The following PACRG variants were observed in gnomAD, a reference collection of about 807,000 sequenced individuals.
The protein encoded by PACRG is parkin coregulated, also known as parkin coregulated gene protein.
A neutral mutation model predicts 29.7 loss-of-function variants in PACRG; 29 were observed. That is an observed-to-expected ratio of 0.98 (90% CI 0.73 to 1.33). PACRG has a LOEUF of 1.33. Among genes scored for constraint, PACRG ranks in the 40% most tolerant of loss-of-function variants. The pLI is 0.00. For missense variants in PACRG, 279 were observed against 316.2 expected (o/e 0.88, Z 0.89); for synonymous variants, 116 against 118.7 (o/e 0.98, Z 0.15).
At chr6:162,994,408 T>G (rs1478905156) in intron 2 of PACRG, among the ~76,000 whole-genome samples, 3 of 148,174 alleles carry the variant, frequency 2.0e-5, no homozygotes, top group Admixed American at 6.6e-5. Flanking sequence ...TCTTTTCACA[T>G]AGTCCCATAT....
intron 3 of PACRG, among the ~76,000 whole-genome samples, chr6:163,086,828 A>G (rs1813604303): frequency 1.3e-5 from 2 of 152,158 alleles, no homozygotes; most frequent in Non-Finnish European, 2.9e-5. Context: ...GTCTTGGAAA[A>G]TAAGGTATCA....
intron 1 of PACRG, among the ~76,000 whole-genome samples, chr6:162,742,080 T>G (rs935424732): frequency 3.3e-5 from 5 of 152,168 alleles, no homozygotes; most frequent in African/African-American, 1.2e-4. Context: ...CAGCTTCTGG[T>G]AAGTACCCTT....
chr6:162,863,112 C>G (rs1298586155), intron 2 of PACRG, among the ~76,000 whole-genome samples: 1 of 152,190 alleles, frequency 6.6e-6, no homozygotes, highest in East Asian at 1.9e-4. Context: ...GGGCCCTGCA[C>G]ACACTGCATC....
At chr6:162,843,965 C>G (rs1790072650) in intron 2 of PACRG, among the ~76,000 whole-genome samples, 2 of 103,886 alleles carry the variant, frequency 1.9e-5, no homozygotes, top group Admixed American at 1.1e-4. Flanking sequence ...TCTCAGATCT[C>G]CAGCTGCGTG....
At chr6:162,747,600 T>G (rs1334888932) in intron 1 of PACRG, among the ~76,000 whole-genome samples, 1 of 149,878 alleles carries the variant, frequency 6.7e-6, no homozygotes, top group Non-Finnish European at 1.5e-5. Flanking sequence ...GAAATGCTTC[T>G]AGTGACCTAC....
intron 4 of PACRG, among the ~76,000 whole-genome samples, chr6:163,217,312 A>G (rs9458754): frequency 0.36 from 54,329 of 152,110 alleles, 10,046 homozygotes; most frequent in East Asian, 0.6. Flanking sequence ...CGGGAGCCCA[A>G]TCCCAACAGA....
At chr6:163,173,473 C>T (rs1256211945) in intron 4 of PACRG, among the ~76,000 whole-genome samples, 1 of 152,182 alleles carries the variant, frequency 6.6e-6, no homozygotes, top group African/African-American at 2.4e-5. Context: ...AAAGATACTG[C>T]AACCCATTTT....
chr6:162,848,173 G>A (rs535539360), intron 2 of PACRG, among the ~76,000 whole-genome samples: 1 of 152,314 alleles, frequency 6.6e-6, no homozygotes, highest in Admixed American at 6.5e-5. Flanking sequence ...GAGCCCAAGA[G>A]GGGCCTCTGG....
intron 2 of PACRG, among the ~76,000 whole-genome samples, chr6:162,925,955 G>T (rs1468504882): frequency 6.6e-6 from 1 of 152,084 alleles, no homozygotes; most frequent in Non-Finnish European, 1.5e-5. Context: ...CTTCAGCAAA[G>T]TCTCAGGATA....
chr6:163,215,378 G>C (rs974186304), intron 4 of PACRG, among the ~76,000 whole-genome samples: 3 of 152,092 alleles, frequency 2.0e-5, no homozygotes, highest in Non-Finnish European at 4.4e-5. Flanking sequence ...TGTTAATTTA[G>C]CAATAGCTTT....
rs549520530 is a variant in PACRG, at chr6:162,868,257, T to G, written c.291+53976T>G. On this transcript the variant is annotated intron_variant, in intron 2 of 4. Transcript: ENST00000366888. ...CTGAAAGGCCAATGGGCTTTCAAGG[T>G]GGACAGCCGTGGTTTTAAATCCTGG... is the stretch of plus-strand genomic sequence containing the variant. 9.9e-5 allele frequency among the ~76,000 whole-genome samples: 15 copies of G among 152,152 alleles called. No homozygotes were observed. In the East Asian group the frequency reaches 2.9e-3, roughly 29 times the overall value.
At chr6:162,828,533 C>A (rs1033041276) in intron 2 of PACRG, among the ~76,000 whole-genome samples, 2 of 152,126 alleles carry the variant, frequency 1.3e-5, no homozygotes, top group Non-Finnish European at 2.9e-5. Context: ...ATTCTCAGGG[C>A]TCATGGAGCT....
At chr6:162,811,923 T>G (rs1786905727) in intron 1 of PACRG, among the ~76,000 whole-genome samples, 1 of 152,204 alleles carries the variant, frequency 6.6e-6, no homozygotes, top group African/African-American at 2.4e-5. Context: ...TTGGAGCTTT[T>G]CAGATTTTGA....
chr6:162,807,697 A>G (rs1786473828), intron 1 of PACRG, among the ~76,000 whole-genome samples: 1 of 152,164 alleles, frequency 6.6e-6, no homozygotes, highest in East Asian at 1.9e-4. Flanking sequence ...TAATGATGAA[A>G]AATTGAAATA....
At chr6:162,959,355 G>A (rs1018923012) in intron 2 of PACRG, among the ~76,000 whole-genome samples, 7 of 152,022 alleles carry the variant, frequency 4.6e-5, no homozygotes, top group African/African-American at 9.7e-5. Flanking sequence ...CTGAGAAGGC[G>A]ACATTTAAGT....
rs9458706 is a variant in PACRG, at chr6:162,993,186, G to A, written c.292-68964G>A. On this transcript the variant is annotated intron_variant, in intron 2 of 4. Transcript: ENST00000366888. ...GTATGTGGTCAATTTTAGAATAGGT[G>A]TGGTGTGGTGCTGAAAAGAATGTAT... 6.6e-5 allele frequency among the ~76,000 whole-genome samples: 10 copies of A among 151,604 alleles called. 1 individual carries two copies. Among genetic ancestry groups the A allele is most frequent in the Admixed American group, 1.3e-4 (2 of 15,246 alleles).
At chr6:163,178,309 C>T (rs1020789506) in intron 4 of PACRG, among the ~76,000 whole-genome samples, 4 of 152,196 alleles carry the variant, frequency 2.6e-5, no homozygotes, top group Admixed American at 2.6e-4. Flanking sequence ...CACAGCTCGG[C>T]GTGGCACGGA....
chr6:163,288,512 A>G (rs1440896896), intron 4 of PACRG, among the ~76,000 whole-genome samples: 1 of 152,254 alleles, frequency 6.6e-6, no homozygotes. Context: ...ACATTCTCCT[A>G]CATTTGAAAT....
chr6:163,137,563 C>G (rs1585256254), intron 4 of PACRG, among the ~76,000 whole-genome samples: 1 of 152,136 alleles, frequency 6.6e-6, no homozygotes, highest in East Asian at 1.9e-4. Flanking sequence ...TCCATCCCCC[C>G]AAACCTCCCC....
Sources: allele counts gnomAD v4.1 joint callset (sites outside exome capture counted in the v4.1 genomes callset), GRCh38; gene constraint gnomAD v4.1.1; transcripts MANE v1.5; gene names NCBI Gene and HGNC (gene_info 2026-07-23, HGNC 2026-07-21).